Variants in NRXN3 observed in about 807,000 individuals in gnomAD.
NRXN3 encodes the protein neurexin 3, also known as neurexin III.
Under a neutral mutation model 137.6 loss-of-function variants are expected in NRXN3, and 32 were observed. The ratio of observed to expected loss-of-function variants is 0.23; its 90% CI spans 0.18 to 0.31. NRXN3 has a LOEUF of 0.31. Among genes scored for constraint, NRXN3 ranks in the 10% least tolerant of loss-of-function variants. The pLI is 1.00. For synonymous variants in NRXN3, 798 were observed against 784.5 expected (o/e 1.02, Z -0.29); for missense variants, 1,574 against 2,062.5 (o/e 0.76, Z 4.59).
intron 15 of NRXN3, among the ~76,000 whole-genome samples, chr14:79,304,107 T>C (rs2085621057): frequency 1.3e-5 from 2 of 152,038 alleles, no homozygotes; most frequent in South Asian, 4.1e-4. Context: ...TGTGGTACAA[T>C]GAAAAGAGAA....
intron 16 of NRXN3, among the ~76,000 whole-genome samples, chr14:79,600,132 A>G (rs2097906692): frequency 6.6e-6 from 1 of 152,206 alleles, no homozygotes; most frequent in Non-Finnish European, 1.5e-5. Context: ...AAGGTGGAGG[A>G]GCTGAGGTTT....
intron 10 of NRXN3, among the ~76,000 whole-genome samples, chr14:78,947,248 G>A (rs1018622612): frequency 6.6e-6 from 1 of 152,174 alleles, no homozygotes; most frequent in Non-Finnish European, 1.5e-5. Flanking sequence ...GATAGGCCTT[G>A]TAATTACCAT....
intron 4 of NRXN3, among the ~76,000 whole-genome samples, chr14:78,632,131 A>G (rs1461532264): frequency 1.3e-5 from 2 of 150,724 alleles, no homozygotes; most frequent in Admixed American, 1.3e-4. Flanking sequence ...AAAAAAAAAA[A>G]AGTGGATTTC....
chr14:79,075,754 C>A (rs936183953), intron 15 of NRXN3, among the ~76,000 whole-genome samples: 3 of 152,148 alleles, frequency 2.0e-5, no homozygotes, highest in Non-Finnish European at 4.4e-5. Context: ...AGGCCTGTAG[C>A]ATTTATTTCA....
At chr14:78,813,508 G>T (rs926718787) in intron 10 of NRXN3, among the ~76,000 whole-genome samples, 2 of 152,108 alleles carry the variant, frequency 1.3e-5, no homozygotes, top group African/African-American at 4.8e-5. Flanking sequence ...TTTCAAAACA[G>T]AGCTTCTTTT....
chr14:79,182,872 G>A (rs1361454736), intron 15 of NRXN3, among the ~76,000 whole-genome samples: 3 of 151,996 alleles, frequency 2.0e-5, no homozygotes, highest in Non-Finnish European at 4.4e-5. Context: ...ATTCTTTAGT[G>A]TTGTTAGCAG....
At chr14:78,962,011 G>A (rs2099409119) in intron 11 of NRXN3, among the ~76,000 whole-genome samples, 1 of 152,164 alleles carries the variant, frequency 6.6e-6, no homozygotes, top group Admixed American at 6.5e-5. Context: ...TGGGCCATAG[G>A]GAAGAAGTAC....
chr14:78,806,354 C>A (rs1381063796), intron 9 of NRXN3, among the ~76,000 whole-genome samples: 2 of 152,160 alleles, frequency 1.3e-5, no homozygotes, highest in Admixed American at 6.5e-5. Flanking sequence ...CCAAAATATA[C>A]CCCTTTGCAA....
chr14:79,723,390 A>G (rs1361957582), intron 19 of NRXN3, among the ~76,000 whole-genome samples: 1 of 152,088 alleles, frequency 6.6e-6, no homozygotes, highest in Non-Finnish European at 1.5e-5. Flanking sequence ...ATTTAACCTT[A>G]AGACACATGG....
intron 16 of NRXN3, among the ~76,000 whole-genome samples, chr14:79,570,012 G>A (rs947366289): frequency 1.8e-4 from 28 of 152,194 alleles, no homozygotes; most frequent in Middle Eastern, 3.4e-3. Context: ...GCTTGCTGTG[G>A]GTATAAAGCA....
intron 3 of NRXN3, among the ~76,000 whole-genome samples, chr14:78,294,645 G>A (rs1283791140): frequency 2.0e-5 from 3 of 151,796 alleles, no homozygotes; most frequent in African/African-American, 7.3e-5. Flanking sequence ...TTTGAGGTAG[G>A]CATTATTATT....
rs191272783 is a variant in NRXN3 at position 78,456,041 on chromosome 14, C to T, written c.757+158181C>T. On this transcript the variant is annotated intron_variant, in intron 4 of 20. Transcript: ENST00000335750. ...TCCCTGACCATCTAAACACACAGCA[C>T]GCCTCAGGGCCCCTGTTGTCCATCC... 5.9e-3 allele frequency among the ~76,000 whole-genome samples: 896 copies of T among 152,348 alleles called. 1 individual carries two copies. Among genetic ancestry groups the T allele is most frequent in the African/African-American group, 0.02 (841 of 41,584 alleles).
chr14:79,345,375 C>T (rs1361865084), intron 15 of NRXN3, among the ~76,000 whole-genome samples: 1 of 152,088 alleles, frequency 6.6e-6, no homozygotes, highest in Non-Finnish European at 1.5e-5. Context: ...GATATTACAC[C>T]GATTCTGTCC....
chr14:78,734,585 A>G (rs1279914819), intron 8 of NRXN3, among the ~76,000 whole-genome samples: 1 of 152,204 alleles, frequency 6.6e-6, no homozygotes, highest in Non-Finnish European at 1.5e-5. Context: ...ACAACTAAAC[A>G]TGCAATTTCA....
Position 78,593,248 on chromosome 14 carries a change from A to G in NRXN3, c.758-51872A>G, listed in dbSNP as rs112208802. On this transcript the variant is annotated intron_variant, in intron 4 of 20. Coordinates refer to ENST00000335750, the MANE Select transcript of NRXN3 (RefSeq NM_001330195.2). ...GTCCTCTATCCACCCCCTCTTCTCT[A>G]TTTAAAGACATATTAACATCTCTAG... Among the ~76,000 whole-genome samples, 1,151 of 152,250 alleles carry G rather than the reference A, an allele frequency of 7.6e-3. 19 individuals are homozygous for G. The highest frequency in any genetic ancestry group is 0.026 in the African/African-American group (1,085 of 41,556).
chr14:78,523,816 C>CAAAAAAAAAAAAAAAAAAAA (rs56083130), intron 4 of NRXN3, among the ~76,000 whole-genome samples: 55 of 61,570 alleles, frequency 8.9e-4, no homozygotes, highest in Non-Finnish European at 1.2e-3. Flanking sequence ...GACTCTGTCT[C>CAAAAAAAAAAAAAAAAAAAA]AAAAAAAAAA....
chr14:79,038,390 C>T (rs2099619722), intron 15 of NRXN3, among the ~76,000 whole-genome samples: 1 of 152,010 alleles, frequency 6.6e-6, no homozygotes, highest in Non-Finnish European at 1.5e-5. Context: ...TGTTTTAGGC[C>T]ACTAACCCAA....
intron 2 of NRXN3, among the ~76,000 whole-genome samples, chr14:78,246,800 CT>C (rs11284252): frequency 0.076 from 11,575 of 152,264 alleles, 1,252 homozygotes; most frequent in African/African-American, 0.24. Flanking sequence ...AAGATAATGT[CT>C]GCCCATTTTT....
At chr14:79,176,328 C>A (rs1215700012) in intron 15 of NRXN3, among the ~76,000 whole-genome samples, 1 of 152,122 alleles carries the variant, frequency 6.6e-6, no homozygotes, top group East Asian at 1.9e-4. Context: ...TGAAAGTGTG[C>A]TTTGTGGAGC....
Sources: allele counts gnomAD v4.1 joint callset (sites outside exome capture counted in the v4.1 genomes callset), GRCh38; gene constraint gnomAD v4.1.1; transcripts MANE v1.5; gene names NCBI Gene and HGNC (gene_info 2026-07-23, HGNC 2026-07-21).